The following CPEB1 variants were observed in gnomAD, a reference collection of about 807,000 sequenced individuals.
CPEB1 encodes the protein cytoplasmic polyadenylation element-binding protein 1.
CPEB1 carries 7 observed loss-of-function variants against 65.8 expected under a neutral mutation model. The ratio of observed to expected loss-of-function variants is 0.11; its 90% confidence interval spans 0.06 to 0.20. The LOEUF (loss-of-function observed/expected upper bound fraction) is 0.20, where lower values mean the gene tolerates loss of function less well. Among genes scored for constraint, CPEB1 ranks in the 10% least tolerant of loss-of-function variants. The pLI is 1.00. For synonymous variants in CPEB1, 262 were observed against 260.0 expected (o/e 1.01, Z -0.08); for missense variants, 551 against 712.2 (o/e 0.77, Z 2.58).
At chr15:82,641,911 G>T (rs2047147281) in intron 1 of CPEB1, among the ~76,000 whole-genome samples, 1 of 151,964 alleles carries the variant, frequency 6.6e-6, no homozygotes, top group Non-Finnish European at 1.5e-5. Context: ...CCTAACATTG[G>T]GCTTTAAAAT....
At chr15:82,625,223 GT>G (rs2045654528) in intron 3 of CPEB1, among the ~76,000 whole-genome samples, 1 of 152,088 alleles carries the variant, frequency 6.6e-6, no homozygotes, top group Non-Finnish European at 1.5e-5. Flanking sequence ...TTAACTCAGC[GT>G]AAACTAAAAG....
intron 4 of CPEB1, among the ~76,000 whole-genome samples, chr15:82,567,356 G>C (rs527633130): frequency 1.6e-4 from 24 of 152,162 alleles, no homozygotes; most frequent in African/African-American, 5.8e-4. Context: ...ACCAGAGTGT[G>C]GGCCAGGCAC....
chr15:82,643,559 G>C (rs2151391565), intron 1 of CPEB1, among the ~76,000 whole-genome samples: 1 of 152,098 alleles, frequency 6.6e-6, no homozygotes, highest in East Asian at 1.9e-4. Context: ...AACCCCAGAG[G>C]CGGAGGTTGC....
chr15:82,553,692 C>T (rs1305462331), intron 7 of CPEB1, 136 bp from the exon 8 acceptor site: 15 of 770,690 alleles, frequency 1.9e-5, no homozygotes, highest in South Asian at 3.1e-5. Context: ...TGCTGATCTC[C>T]GGTGTAAGCT....
Position 82,582,933 on chromosome 15 carries a change from G to T in CPEB1, c.272-11401C>A, listed in dbSNP as rs147985038. On this transcript the variant is annotated intron_variant, in intron 3 of 12. Coordinates refer to ENST00000684509, the MANE Select transcript of CPEB1 (RefSeq NM_001365242.1). ...ATTTTTTGTATTTTTAGTAGAGATG[G>T]GGTTTCATCATGTTAACCAGGATGG... 9.9e-3 allele frequency among the ~76,000 whole-genome samples: 1,494 copies of T among 151,670 alleles called. 14 individuals carry two copies. Among genetic ancestry groups the T allele is most frequent in the African/African-American group, 1.0e-2 (413 of 41,376 alleles).
intron 3 of CPEB1, among the ~76,000 whole-genome samples, chr15:82,601,108 G>T (rs1035560586): frequency 6.6e-6 from 1 of 150,672 alleles, no homozygotes; most frequent in Non-Finnish European, 1.5e-5. Flanking sequence ...GTTTCGTCAC[G>T]TTGGTCAGGC....
At chr15:82,629,314 G>A in intron 1 of CPEB1, 24 of 984,850 alleles carry the variant, frequency 2.4e-5, no homozygotes, top group Non-Finnish European at 2.7e-5. Context: ...ATACAAGAGA[G>A]GTAAGTACCA....
chr15:82,572,809 C>G (rs1280386495), intron 3 of CPEB1, among the ~76,000 whole-genome samples: 1 of 152,188 alleles, frequency 6.6e-6, no homozygotes, highest in African/African-American at 2.4e-5. Context: ...AGGTGCTGCA[C>G]AAGACCAATG....
At chr15:82,608,789 T>C (rs932104890) in intron 3 of CPEB1, among the ~76,000 whole-genome samples, 1 of 152,190 alleles carries the variant, frequency 6.6e-6, no homozygotes, top group Non-Finnish European at 1.5e-5. Flanking sequence ...ATTTATTTAA[T>C]GTATAGAACA....
chr15:82,626,082 T>C (rs897518822), intron 3 of CPEB1, among the ~76,000 whole-genome samples: 11 of 151,616 alleles, frequency 7.3e-5, no homozygotes. Context: ...ATCGCACCAC[T>C]GCATTCCAAC....
chr15:82,597,419 C>G (rs1200890932), intron 3 of CPEB1, among the ~76,000 whole-genome samples: 2 of 152,178 alleles, frequency 1.3e-5, no homozygotes, highest in Non-Finnish European at 2.9e-5. Flanking sequence ...ACCTTTTAAG[C>G]ATTTCGTGGG....
At chr15:82,615,040 G>C (rs1263438282) in intron 3 of CPEB1, among the ~76,000 whole-genome samples, 5 of 151,966 alleles carry the variant, frequency 3.3e-5, no homozygotes, top group Admixed American at 3.3e-4. Flanking sequence ...CCTACAAATG[G>C]GTACTATTTC....
At chr15:82,590,455 C>G (rs1370934888) in intron 3 of CPEB1, among the ~76,000 whole-genome samples, 1 of 152,162 alleles carries the variant, frequency 6.6e-6, no homozygotes, top group Non-Finnish European at 1.5e-5. Flanking sequence ...AGATCAGGCA[C>G]ACTCAGGGTG....
chr15:82,635,747 T>C (rs2046607552), intron 1 of CPEB1, among the ~76,000 whole-genome samples: 1 of 152,118 alleles, frequency 6.6e-6, no homozygotes, highest in Non-Finnish European at 1.5e-5. Context: ...AAGCATAAAA[T>C]GCTATAGAAG....
At position 82,543,467 on chromosome 15, in the gene CPEB1, A is replaced by ATT. The variant is rs2034636209; in HGVS notation, c.*1124_*1125insAA. ...TGGGTTTTTTGTTTCTTTTTAAAAAAAAAAAAAAAAAAAAAAAGGAAAGAA... is the reference window on the plus strand; with the variant it reads ...TGGGTTTTTTGTTTCTTTTTAAAAAATTAAAAAAAAAAAAAAAAAGGAAAGAA... On this transcript the variant is annotated 3_prime_UTR_variant, in exon 13 of 13. Coordinates refer to ENST00000684509, the MANE Select transcript of CPEB1 (RefSeq NM_001365242.1). 3.3e-5 allele frequency: 5 copies of ATT among 149,276 alleles called. No homozygotes were observed. Among genetic ancestry groups the ATT allele is most frequent in the East Asian group, 1.9e-4 (1 of 5,134 alleles). The allele number at this position is 149,276 out of a possible 1,614,324, so 9.2% of individuals were successfully genotyped here.
At chr15:82,611,978 A>G (rs1311924206) in intron 3 of CPEB1, among the ~76,000 whole-genome samples, 1 of 152,018 alleles carries the variant, frequency 6.6e-6, no homozygotes, top group Non-Finnish European at 1.5e-5. Context: ...TGGGAAGCCG[A>G]GGTGGGCAGA....
At chr15:82,618,764 T>TA (rs1555460056) in intron 3 of CPEB1, among the ~76,000 whole-genome samples, 1 of 152,120 alleles carries the variant, frequency 6.6e-6, no homozygotes, top group Non-Finnish European at 1.5e-5. Context: ...GAGATAAACT[T>TA]AAAGAATCTG....
At chr15:82,598,311 T>C (rs1233601863) in intron 3 of CPEB1, among the ~76,000 whole-genome samples, 1 of 151,554 alleles carries the variant, frequency 6.6e-6, no homozygotes, top group African/African-American at 2.4e-5. Flanking sequence ...CTGGCCAACA[T>C]GGTGAAACCT....
chr15:82,642,354 T>G (rs1279806507), intron 1 of CPEB1, among the ~76,000 whole-genome samples: 3 of 152,202 alleles, frequency 2.0e-5, no homozygotes, highest in African/African-American at 7.2e-5. Context: ...AGGATAAGCC[T>G]GGCCAACATA....
Sources: allele counts gnomAD v4.1 joint callset (sites outside exome capture counted in the v4.1 genomes callset), GRCh38; gene constraint gnomAD v4.1.1; transcripts MANE v1.5; gene names NCBI Gene and HGNC (gene_info 2026-07-23, HGNC 2026-07-21).